MAPK10: variants seen among roughly 807,000 people sequenced by gnomAD.
The protein encoded by MAPK10 is mitogen-activated protein kinase 10.
In MAPK10, 25 loss-of-function variants were observed where a neutral mutation model predicts 59.3. The ratio of observed to expected loss-of-function variants is 0.42; its 90% CI spans 0.31 to 0.59. The LOEUF (loss-of-function observed/expected upper bound fraction) is 0.59. Among genes scored for constraint, MAPK10 ranks in the 20% least tolerant of loss-of-function variants. The pLI is 0.15. For missense variants in MAPK10, 351 were observed against 568.9 expected (o/e 0.62, Z 3.90); for synonymous variants, 190 against 200.5 (o/e 0.95, Z 0.44).
intron 1 of MAPK10, among the ~76,000 whole-genome samples, chr4:86,484,342 TA>T (rs1274970167): frequency 6.6e-6 from 1 of 152,208 alleles, no homozygotes; most frequent in Admixed American, 6.5e-5. Context: ...CTCAAAACTT[TA>T]AATAACTTGT....
intron 1 of MAPK10, among the ~76,000 whole-genome samples, chr4:86,517,269 C>CTTTTTTTTTTTT (rs1176457005): frequency 1.2e-5 from 1 of 84,264 alleles, no homozygotes; most frequent in Non-Finnish European, 2.2e-5. Flanking sequence ...GGTGTATTAT[C>CTTTTTTTTTTTT]TTTTTTTTTT....
chr4:86,070,555 C>T (rs1385459447), intron 9 of MAPK10, among the ~76,000 whole-genome samples: 1 of 133,460 alleles, frequency 7.5e-6, no homozygotes, highest in East Asian at 2.4e-4. Context: ...CCCCACCCCA[C>T]CACAGTCCCC....
chr4:86,228,199 T>C (rs2090974898), intron 2 of MAPK10, among the ~76,000 whole-genome samples: 1 of 152,124 alleles, frequency 6.6e-6, no homozygotes, highest in Non-Finnish European at 1.5e-5. Flanking sequence ...GAATATTAGG[T>C]TGATGTGTAA....
chr4:86,260,256 T>C (rs1004200202), intron 2 of MAPK10, among the ~76,000 whole-genome samples: 1 of 152,106 alleles, frequency 6.6e-6, no homozygotes, highest in Non-Finnish European at 1.5e-5. Flanking sequence ...TTTGAGGCTT[T>C]CCATTTGTAA....
intron 2 of MAPK10, among the ~76,000 whole-genome samples, chr4:86,330,843 G>A (rs146246194): frequency 0.016 from 2,433 of 152,216 alleles, 39 homozygotes; most frequent in Non-Finnish European, 0.021. Context: ...TGGGGAATTC[G>A]TGTTTTAAAT....
At chr4:86,347,856 G>A (rs1564607781) in intron 2 of MAPK10, among the ~76,000 whole-genome samples, 1 of 152,064 alleles carries the variant, frequency 6.6e-6, no homozygotes, top group Admixed American at 6.6e-5. Flanking sequence ...TTGGGGTTAG[G>A]ACTTCAACAT....
chr4:86,255,061 A>G (rs937948402), intron 2 of MAPK10, among the ~76,000 whole-genome samples: 1 of 151,908 alleles, frequency 6.6e-6, no homozygotes, highest in African/African-American at 2.4e-5. Context: ...AAAGAAAAAT[A>G]ATGATAAAGA....
intron 1 of MAPK10, chr4:86,384,175 A>G (rs1213028475): frequency 6.6e-6 from 1 of 152,216 alleles, no homozygotes; most frequent in Non-Finnish European, 1.5e-5. Context: ...ATCAGACATT[A>G]TTCATTTATA....
intron 1 of MAPK10, among the ~76,000 whole-genome samples, chr4:86,389,274 C>T (rs1231986246): frequency 6.6e-6 from 1 of 152,170 alleles, no homozygotes; most frequent in Non-Finnish European, 1.5e-5. Flanking sequence ...GCAGATCCTG[C>T]CATGCTGCCC....
intron 2 of MAPK10, among the ~76,000 whole-genome samples, chr4:86,269,763 A>C (rs1016407187): frequency 6.6e-6 from 1 of 152,172 alleles, no homozygotes; most frequent in Non-Finnish European, 1.5e-5. Flanking sequence ...GAAAGCAATT[A>C]AACCTCATCC....
chr4:86,186,917 T>C (rs1457562760), intron 3 of MAPK10, among the ~76,000 whole-genome samples: 1 of 152,174 alleles, frequency 6.6e-6, no homozygotes, highest in East Asian at 1.9e-4. Context: ...ACAAACGTTG[T>C]TGCCACCTTC....
intron 2 of MAPK10, among the ~76,000 whole-genome samples, chr4:86,258,080 C>T (rs1257119604): frequency 6.6e-6 from 1 of 152,072 alleles, no homozygotes; most frequent in Non-Finnish European, 1.5e-5. Context: ...AAAAGGATTC[C>T]GGCTTCAAGT....
At chr4:86,107,393 A>G in intron 4 of MAPK10, 41 bp from the exon 5 acceptor site, 2 of 1,589,968 alleles carry the variant, frequency 1.3e-6, no homozygotes, top group Non-Finnish European at 1.7e-6. Context: ...AGAACAAAAG[A>G]TTCCTTAGAA....
intron 4 of MAPK10, among the ~76,000 whole-genome samples, chr4:86,119,000 A>G (rs1455549034): frequency 6.6e-6 from 1 of 152,178 alleles, no homozygotes; most frequent in African/African-American, 2.4e-5. Flanking sequence ...CAGCCCAAAT[A>G]TTATCTCCTC....
intron 4 of MAPK10, among the ~76,000 whole-genome samples, chr4:86,142,729 G>A (rs1239248458): frequency 6.6e-6 from 1 of 152,050 alleles, no homozygotes; most frequent in Non-Finnish European, 1.5e-5. Context: ...ACAAGGAGAG[G>A]GACTGGATAT....
At chr4:86,148,062 A>C (rs749983868) in intron 4 of MAPK10, among the ~76,000 whole-genome samples, 50 of 152,246 alleles carry the variant, frequency 3.3e-4, no homozygotes, top group Non-Finnish European at 6.0e-4. Flanking sequence ...TCTTCAGACT[A>C]TAAGGATGAG....
chr4:86,418,168 C>G (rs756183796), intron 1 of MAPK10, among the ~76,000 whole-genome samples: 1 of 152,158 alleles, frequency 6.6e-6, no homozygotes, highest in Non-Finnish European at 1.5e-5. Flanking sequence ...TAAAGGCACA[C>G]AGTAGTCAAT....
chr4:86,083,749 C>T (rs2051166483), intron 9 of MAPK10, among the ~76,000 whole-genome samples: 1 of 152,154 alleles, frequency 6.6e-6, no homozygotes, highest in Non-Finnish European at 1.5e-5. Flanking sequence ...CATCACCCCT[C>T]CTCTACCCCC....
At chr4:86,217,199 T>C (rs1250476304) in intron 2 of MAPK10, among the ~76,000 whole-genome samples, 3 of 152,206 alleles carry the variant, frequency 2.0e-5, no homozygotes, top group Non-Finnish European at 4.4e-5. Context: ...CTCTTAGGAA[T>C]TGACATTTTC....
Sources: allele counts gnomAD v4.1 joint callset (sites outside exome capture counted in the v4.1 genomes callset), GRCh38; gene constraint gnomAD v4.1.1; transcripts MANE v1.5; gene names NCBI Gene and HGNC (gene_info 2026-07-23, HGNC 2026-07-21).